Variants in CADM2 observed in about 807,000 individuals in gnomAD.
The protein encoded by CADM2 is cell adhesion molecule 2, also known as immunoglobulin superfamily member 4D.
Under a neutral mutation model 49.8 loss-of-function variants are expected in CADM2, and 12 were observed. The ratio of observed to expected loss-of-function variants is 0.24; its 90% confidence interval spans 0.15 to 0.39. The LOEUF is 0.39. Ranked by LOEUF, CADM2 falls within the 10% of genes least tolerant of loss-of-function variation. The pLI is 1.00. For missense variants in CADM2, 378 were observed against 492.3 expected (o/e 0.77, Z 2.20); for synonymous variants, 214 against 175.4 (o/e 1.22, Z -1.74).
intron 1 of CADM2, among the ~76,000 whole-genome samples, chr3:85,513,908 A>T (rs1322390621): frequency 6.6e-6 from 1 of 152,068 alleles, no homozygotes; most frequent in Non-Finnish European, 1.5e-5. Context: ...CTTATGATAT[A>T]AACCCTTACC....
At chr3:85,465,563 A>C (rs953793368) in intron 1 of CADM2, among the ~76,000 whole-genome samples, 1 of 152,154 alleles carries the variant, frequency 6.6e-6, no homozygotes, top group African/African-American at 2.4e-5. Flanking sequence ...AAAAAATATA[A>C]ATTATTAGAT....
intron 1 of CADM2, among the ~76,000 whole-genome samples, chr3:85,365,716 C>G (rs759043426): frequency 2.0e-5 from 3 of 152,128 alleles, no homozygotes; most frequent in Non-Finnish European, 4.4e-5. Flanking sequence ...GTAATTTTCA[C>G]TCTATTTCAA....
intron 1 of CADM2, among the ~76,000 whole-genome samples, chr3:85,637,462 C>T (rs1398734183): frequency 2.7e-5 from 4 of 147,890 alleles, no homozygotes; most frequent in African/African-American, 1.0e-4. Context: ...ATTAGCTGGG[C>T]GCGGTGGCGG....
At position 85,894,475 on chromosome 3, in the gene CADM2, A is replaced by T. The variant is rs148891286; in HGVS notation, c.529+8148A>T. 9.0e-3 allele frequency among the ~76,000 whole-genome samples: 1,364 copies of T among 152,162 alleles called. 25 individuals carry two copies. The highest frequency in any genetic ancestry group is 0.031 in the African/African-American group (1,294 of 41,502). Reference sequence around the variant, plus strand: ...ACTAACCTGCATGTTGTGCACATGTACCCTAAAACTTAAAGTATAAAAAAA... The same window carrying T: ...ACTAACCTGCATGTTGTGCACATGTTCCCTAAAACTTAAAGTATAAAAAAA... On this transcript the variant is annotated intron_variant, in intron 5 of 9. Coordinates refer to ENST00000383699, the MANE Select transcript of CADM2 (RefSeq NM_001167675.2).
At chr3:85,345,153 A>G (rs1470746099) in intron 1 of CADM2, among the ~76,000 whole-genome samples, 7 of 151,850 alleles carry the variant, frequency 4.6e-5, no homozygotes, top group Non-Finnish European at 8.8e-5. Flanking sequence ...TGTCTCTACT[A>G]AAAATACAAA....
intron 1 of CADM2, among the ~76,000 whole-genome samples, chr3:85,093,750 C>T (rs1403284193): frequency 1.3e-5 from 2 of 151,992 alleles, no homozygotes; most frequent in Non-Finnish European, 2.9e-5. Context: ...GTCCTACATC[C>T]ACTGTACTCT....
intron 1 of CADM2, among the ~76,000 whole-genome samples, chr3:85,428,496 C>A (rs2036518446): frequency 1.4e-5 from 2 of 143,390 alleles, no homozygotes; most frequent in African/African-American, 5.1e-5. Flanking sequence ...TACATATTCC[C>A]CTATGGGGAT....
At chr3:85,747,852 G>A (rs2068683622) in intron 2 of CADM2, among the ~76,000 whole-genome samples, 2 of 152,154 alleles carry the variant, frequency 1.3e-5, no homozygotes, top group Non-Finnish European at 1.5e-5. Flanking sequence ...TTTTGACAAT[G>A]AGGAGCAGTT....
At chr3:85,318,192 G>T (rs532485661) in intron 1 of CADM2, among the ~76,000 whole-genome samples, 3 of 150,024 alleles carry the variant, frequency 2.0e-5, no homozygotes, top group Non-Finnish European at 4.4e-5. Flanking sequence ...AAGAAAAAAA[G>T]AAAAAAATAT....
chr3:86,042,464 A>T (rs1323436948), intron 8 of CADM2, among the ~76,000 whole-genome samples: 1 of 152,212 alleles, frequency 6.6e-6, no homozygotes, highest in East Asian at 1.9e-4. Context: ...CATGCATATA[A>T]ATTAGAAAAT....
At chr3:85,034,642 A>G (rs966580139) in intron 1 of CADM2, among the ~76,000 whole-genome samples, 1 of 151,760 alleles carries the variant, frequency 6.6e-6, no homozygotes, top group African/African-American at 2.4e-5. Context: ...TGATAGCTCT[A>G]TTTTTTAGTT....
At chr3:85,860,531 C>A (rs1219097221) in intron 3 of CADM2, among the ~76,000 whole-genome samples, 2 of 152,128 alleles carry the variant, frequency 1.3e-5, no homozygotes, top group African/African-American at 4.8e-5. Context: ...GTTTATTTCT[C>A]ACAGTTCTGG....
At chr3:85,271,075 G>C (rs2043231666) in intron 1 of CADM2, among the ~76,000 whole-genome samples, 1 of 151,290 alleles carries the variant, frequency 6.6e-6, no homozygotes, top group African/African-American at 2.4e-5. Flanking sequence ...ACCATATGAA[G>C]TTTTAGAACC....
chr3:85,005,797 T>C (rs2033689320), intron 1 of CADM2, among the ~76,000 whole-genome samples: 1 of 152,172 alleles, frequency 6.6e-6, no homozygotes, highest in South Asian at 2.1e-4. Flanking sequence ...CTGTCTTTCT[T>C]AATGGAATTG....
rs534414193 is a variant in CADM2, at chr3:85,697,965, A to AT, written c.62-28551dup. ...ATTGGAGAGCTGCATTTACCCAAGC[A>AT]TTTTTTGTATTGGTTATTTACTCAT... On this transcript the variant is annotated intron_variant, in intron 1 of 9. Coordinates refer to ENST00000383699, the MANE Select transcript of CADM2 (RefSeq NM_001167675.2). 4.7e-4 allele frequency among the ~76,000 whole-genome samples: 71 copies of AT among 152,300 alleles called. 1 individual carries two copies. The East Asian group carries it at 0.012, about 26-fold the overall frequency.
intron 1 of CADM2, among the ~76,000 whole-genome samples, chr3:85,443,100 C>A (rs1365607745): frequency 6.6e-6 from 1 of 152,006 alleles, no homozygotes; most frequent in African/African-American, 2.4e-5. Context: ...TCACAAGTTA[C>A]ATTAAAATAA....
At chr3:85,333,840 AATACCAATTTTCCTGTTGTT>A (rs2045004526) in intron 1 of CADM2, among the ~76,000 whole-genome samples, 2 of 151,778 alleles carry the variant, frequency 1.3e-5, no homozygotes, top group South Asian at 4.1e-4. Flanking sequence ...ATGTGTGACA[AATACCAATTTTCCTGTTGTT>A]ATATTGAGGG....
chr3:85,077,113 A>G (rs2036975271), intron 1 of CADM2, among the ~76,000 whole-genome samples: 1 of 152,356 alleles, frequency 6.6e-6, no homozygotes, highest in South Asian at 2.1e-4. Flanking sequence ...TAGGGAAGCT[A>G]GAGAACATCT....
At position 85,726,358 on chromosome 3, in the gene CADM2, C is replaced by G. The variant is rs969624810; in HGVS notation, c.62-164C>G. The G allele has an allele frequency of 1.1e-5, 8 of 729,716 alleles. No homozygotes were observed. In the East Asian group the frequency reaches 2.0e-4, roughly 19 times the overall value. The allele number at this position is 729,716 out of a possible 1,614,324, so 45.2% of individuals were successfully genotyped here. ...TCAAGGATCTTACTCATAACACTAA[C>G]TAAATGTAACAATAGTCATTTTGTT... On this transcript the variant is annotated intron_variant, in intron 1 of 9. Coordinates refer to ENST00000383699, the MANE Select transcript of CADM2 (RefSeq NM_001167675.2).
Sources: gnomAD v4.1 joint callset for allele counts (sites outside exome capture counted in the v4.1 genomes callset) on GRCh38, gnomAD v4.1.1 for gene constraint, MANE v1.5 for transcripts, NCBI Gene and HGNC (gene_info 2026-07-23, HGNC 2026-07-21) for gene names.